Variants in PREX1 observed in about 807,000 individuals in gnomAD.
PREX1 encodes phosphatidylinositol-3,4,5-trisphosphate dependent Rac exchange factor 1.
A neutral mutation model predicts 198.3 loss-of-function variants in PREX1; 41 were observed. The observed-to-expected ratio is 0.21, with a 90% CI of 0.16 to 0.27. The LOEUF (loss-of-function observed/expected upper bound fraction) is 0.27. Among genes scored for constraint, PREX1 ranks in the 10% least tolerant of loss-of-function variants. The probability of loss-of-function intolerance (pLI) is 1.00; values close to 1 mark genes in which losing one functional copy is unlikely to be tolerated. For synonymous variants in PREX1, 843 were observed against 887.2 expected (o/e 0.95, Z 0.89); for missense variants, 1,620 against 2,200.7 (o/e 0.74, Z 5.28).
chr20:48,708,207 T>A, intron 6 of PREX1, 53 bp downstream of exon 6: 1 of 1,588,788 alleles, frequency 6.3e-7, no homozygotes, highest in Non-Finnish European at 8.6e-7. Flanking sequence ...ACTGCACCTG[T>A]GCACCTCCTG....
At chr20:48,679,293 G>A (rs1393870457) in intron 13 of PREX1, 67 bp downstream of exon 13, 1 of 1,442,126 alleles carries the variant, frequency 6.9e-7, no homozygotes, top group Non-Finnish European at 9.7e-7. Flanking sequence ...AGGTTAAGTT[G>A]CCAGCCCAAG....
intron 15 of PREX1, among the ~76,000 whole-genome samples, 162 bp from the exon 16 acceptor site, chr20:48,660,223 G>C (rs141855626): frequency 6.6e-6 from 1 of 152,314 alleles, no homozygotes; most frequent in East Asian, 1.9e-4. Context: ...TAACATATTA[G>C]GATATTTCAC....
the PREX1 span, among the ~76,000 whole-genome samples, chr20:48,852,537 A>T: frequency 6.6e-6 from 1 of 152,212 alleles, no homozygotes; most frequent in Non-Finnish European, 1.5e-5. Context: ...TAATGTGCAT[A>T]CACACCCCGG....
At chr20:48,817,235 G>T (rs1198548000) in intron 1 of PREX1, among the ~76,000 whole-genome samples, 3 of 152,142 alleles carry the variant, frequency 2.0e-5, no homozygotes, top group African/African-American at 4.8e-5. Flanking sequence ...GCAACTTCTA[G>T]CTCCAACTTA....
At chr20:48,656,252 T>TA (rs2089542030) in intron 18 of PREX1, among the ~76,000 whole-genome samples, 1 of 152,154 alleles carries the variant, frequency 6.6e-6, no homozygotes, top group Admixed American at 6.5e-5. Flanking sequence ...TACCTACCCC[T>TA]AGCACGGGTC....
rs565482280 is a variant in PREX1, at chr20:48,738,710, A to C, written c.415-4060T>G. Among the ~76,000 whole-genome samples the C allele has an allele frequency of 5.3e-5, 8 of 152,208 alleles. 1 individual carries two copies. In the South Asian group the frequency reaches 1.5e-3, roughly 28 times the overall value. On this transcript the variant is annotated intron_variant, in intron 3 of 39. Coordinates refer to ENST00000371941, the MANE Select transcript of PREX1 (RefSeq NM_020820.4). ...GGAGAAGGGGACAGCTGCTGGCTGG[A>C]AACAGCCAGGGGAGGGGAGCTCACC...
chr20:48,719,610 A>G (rs2089976944), intron 5 of PREX1, among the ~76,000 whole-genome samples: 2 of 152,194 alleles, frequency 1.3e-5, no homozygotes, highest in African/African-American at 4.8e-5. Context: ...AACTCCAAAG[A>G]GATAACCCAA....
rs541174292 is a variant in PREX1 at position 48,741,530 on chromosome 20, G to A, written c.414+3495C>T. Among the ~76,000 whole-genome samples the A allele has an allele frequency of 5.3e-5, 8 of 152,212 alleles. No homozygotes were observed. The East Asian group carries it at 1.2e-3, about 22-fold the overall frequency. On this transcript the variant is annotated intron_variant, in intron 3 of 39. Coordinates refer to ENST00000371941, the MANE Select transcript of PREX1 (RefSeq NM_020820.4). ...GCACATTACCATGCCCGGCTAAGGG[G>A]CTGAACTATTTCTGATGCAGAGACA...
At chr20:48,877,284 A>G in the PREX1 span, among the ~76,000 whole-genome samples, 1 of 151,978 alleles carries the variant, frequency 6.6e-6, no homozygotes, top group Non-Finnish European at 1.5e-5. Flanking sequence ...AAAAAAAAAA[A>G]GAAAGAAAAA....
At chr20:48,734,760 C>A in intron 3 of PREX1, 110 bp from the exon 4 acceptor site, 1 of 842,546 alleles carries the variant, frequency 1.2e-6, no homozygotes, top group South Asian at 1.5e-5. Flanking sequence ...TACCCTGACC[C>A]AGGAGAAGCT....
intron 33 of PREX1, among the ~76,000 whole-genome samples, chr20:48,634,103 CAT>C (rs2089339816): frequency 6.1e-5 from 8 of 130,744 alleles, no homozygotes; most frequent in South Asian, 2.6e-4. Flanking sequence ...TGGATGGATG[CAT>C]GGATGCCTGG....
chr20:48,777,377 T>C (rs1270960803), intron 1 of PREX1, among the ~76,000 whole-genome samples: 1 of 152,124 alleles, frequency 6.6e-6, no homozygotes, highest in East Asian at 1.9e-4. Flanking sequence ...ACCCAGACAG[T>C]GAACGGAAGG....
At chr20:48,767,073 T>C (rs1290918889) in intron 1 of PREX1, among the ~76,000 whole-genome samples, 1 of 152,192 alleles carries the variant, frequency 6.6e-6, no homozygotes, top group Non-Finnish European at 1.5e-5. Context: ...ACAGACTCGC[T>C]GTGGGACCCT....
At chr20:48,849,444 C>A in the PREX1 span, 6 of 152,082 alleles carry the variant, frequency 3.9e-5, no homozygotes, top group Non-Finnish European at 8.8e-5. Context: ...CCACCCAGGC[C>A]GTATTGTTTG....
chr20:48,793,962 C>T (rs1158976608), intron 1 of PREX1, among the ~76,000 whole-genome samples: 1 of 152,162 alleles, frequency 6.6e-6, no homozygotes, highest in African/African-American at 2.4e-5. Flanking sequence ...CCATCTCCTC[C>T]CAAGTGTCTG....
chr20:48,690,000 G>A (rs12479858), intron 9 of PREX1, among the ~76,000 whole-genome samples: 14,198 of 152,198 alleles, frequency 0.093, 813 homozygotes, highest in South Asian at 0.16. Context: ...GGTGTTGCAG[G>A]GGAGACCAGG....
At chr20:48,797,544 CA>C (rs1253062700) in intron 1 of PREX1, among the ~76,000 whole-genome samples, 5 of 152,074 alleles carry the variant, frequency 3.3e-5, no homozygotes, top group Non-Finnish European at 7.4e-5. Flanking sequence ...CCCATCCCCC[CA>C]AAAAAGAGGC....
At chr20:48,728,950 A>C (rs2090021409) in intron 4 of PREX1, among the ~76,000 whole-genome samples, 1 of 152,184 alleles carries the variant, frequency 6.6e-6, no homozygotes, top group South Asian at 2.1e-4. Context: ...AATTCACAGA[A>C]GTGAGTTAGA....
At chr20:48,721,262 A>G (rs915116810) in intron 5 of PREX1, among the ~76,000 whole-genome samples, 1 of 152,216 alleles carries the variant, frequency 6.6e-6, no homozygotes, top group Non-Finnish European at 1.5e-5. Context: ...CTCAAAATCA[A>G]TCAGGACACC....
Sources: allele counts gnomAD v4.1 joint callset (sites outside exome capture counted in the v4.1 genomes callset), GRCh38; gene constraint gnomAD v4.1.1; transcripts MANE v1.5; gene names NCBI Gene and HGNC (gene_info 2026-07-23, HGNC 2026-07-21).